ANKRD42: variants seen among roughly 807,000 people sequenced by gnomAD.
ANKRD42 encodes the protein ankyrin repeat domain-containing protein 42.
ANKRD42 carries 43 observed loss-of-function variants against 51.5 expected under a neutral mutation model. That is an observed-to-expected ratio of 0.83 (90% CI 0.65 to 1.08). The LOEUF (loss-of-function observed/expected upper bound fraction) is 1.08, where lower values mean the gene tolerates loss of function less well. Among genes scored for constraint, ANKRD42 ranks in the 50% least tolerant of loss-of-function variants. The probability of loss-of-function intolerance (pLI) is 0.00; values close to 1 mark genes in which losing one functional copy is unlikely to be tolerated. For synonymous variants in ANKRD42, 203 were observed against 213.0 expected, an observed-to-expected ratio of 0.95 and a Z score of 0.41; for missense variants, 608 against 629.3, an observed-to-expected ratio of 0.97 and a Z score of 0.36.
chr11:83,213,165 G>T, intron 5 of ANKRD42: 2 of 1,601,766 alleles, frequency 1.2e-6, no homozygotes, highest in Non-Finnish European at 1.7e-6. Flanking sequence ...GACCAATCTT[G>T]ATGCCCAACA....
chr11:83,230,504 A>C (rs933802391), intron 7 of ANKRD42, among the ~76,000 whole-genome samples: 17 of 152,154 alleles, frequency 1.1e-4, no homozygotes, highest in African/African-American at 4.1e-4. Flanking sequence ...GAGAACATGC[A>C]AAGTTTGTCT....
intron 2 of ANKRD42, among the ~76,000 whole-genome samples, chr11:83,201,442 C>T (rs1158055036): frequency 2.6e-5 from 4 of 152,142 alleles, no homozygotes; most frequent in East Asian, 1.9e-4. Flanking sequence ...TTGTGAATAG[C>T]GCTGCAGTAA....
chr11:83,213,360 C>G, intron 5 of ANKRD42: 2 of 1,578,902 alleles, frequency 1.3e-6, no homozygotes, highest in Non-Finnish European at 1.7e-6. Context: ...CCATCGGAGT[C>G]ACACCAACCC....
downstream of ANKRD42, among the ~76,000 whole-genome samples, chr11:83,264,000 C>CA (rs1435126302): frequency 3.9e-5 from 6 of 151,966 alleles, no homozygotes; most frequent in African/African-American, 7.3e-5. Flanking sequence ...TTGTTAATAT[C>CA]AAAAATCTTA....
At chr11:83,236,546 C>T (rs527663975) in intron 8 of ANKRD42, 37 bp downstream of exon 8, 1 of 1,519,520 alleles carries the variant, frequency 6.6e-7, no homozygotes, top group African/African-American at 1.4e-5. Context: ...TTTCTTTTCT[C>T]TTTAAAGTTT....
intron 2 of ANKRD42, among the ~76,000 whole-genome samples, chr11:83,201,770 A>T (rs1861880444): frequency 6.6e-6 from 1 of 151,876 alleles, no homozygotes; most frequent in African/African-American, 2.4e-5. Flanking sequence ...GCTTTTTTTC[A>T]TATGTTTGTT....
intron 7 of ANKRD42, 84 bp downstream of exon 7, chr11:83,227,956 A>T: frequency 1.4e-6 from 2 of 1,456,066 alleles, no homozygotes; most frequent in Non-Finnish European, 1.8e-6. Context: ...TCAGAAACAC[A>T]TGAAACATGA....
chr11:83,237,282 T>C (rs1863251554), intron 8 of ANKRD42, among the ~76,000 whole-genome samples: 1 of 152,230 alleles, frequency 6.6e-6, no homozygotes, highest in Non-Finnish European at 1.5e-5. Flanking sequence ...AAAAAATCTT[T>C]CTGTTTGAAA....
In ANKRD42 at chr11:83,196,384, TGTGA is replaced by T. The variant is rs1051098940; in HGVS notation, c.58+1660_58+1663del. Among the ~76,000 whole-genome samples, 129 of 134,566 alleles carry T rather than the reference TGTGA, an allele frequency of 9.6e-4. 3 individuals are homozygous for T. Among genetic ancestry groups the T allele is most frequent in the Non-Finnish European group, 2.5e-4 (16 of 65,026 alleles). 88.3% of individuals were successfully genotyped at this position (134,566 alleles called of 152,430 possible). A position where few individuals can be genotyped will look rare whatever the true frequency, so the allele number is the denominator to read the frequency against. ...TAATACTTTAGTAGTAGGATTTGTGTGTGAGTGTGTGAGAGTGTGTGTGTGTGTG... is the reference window on the plus strand; with the variant it reads ...TAATACTTTAGTAGTAGGATTTGTGTGTGTGTGAGAGTGTGTGTGTGTGTG... On this transcript the variant is annotated intron_variant, in intron 1 of 10. Transcript: ENST00000533342.
chr11:83,212,264 T>A (rs561926921), intron 5 of ANKRD42, among the ~76,000 whole-genome samples: 1 of 152,116 alleles, frequency 6.6e-6, no homozygotes, highest in East Asian at 1.9e-4. Flanking sequence ...GTATTTTTAG[T>A]AGAGATGGAG....
chr11:83,206,242 T>C (rs1590967261), intron 3 of ANKRD42, 77 bp downstream of exon 3: 6 of 1,183,048 alleles, frequency 5.1e-6, no homozygotes, highest in East Asian at 4.8e-5. Flanking sequence ...ATTCTAATTA[T>C]TTGACTCAAT....
intron 5 of ANKRD42, 82 bp downstream of exon 5, chr11:83,211,512 G>C (rs866828553): frequency 6.8e-7 from 1 of 1,477,168 alleles, no homozygotes; most frequent in Non-Finnish European, 9.3e-7. Flanking sequence ...AATTTAAACT[G>C]TTGGTTGAGC....
At chr11:83,233,291 T>C (rs1352199892) in intron 7 of ANKRD42, among the ~76,000 whole-genome samples, 1 of 151,676 alleles carries the variant, frequency 6.6e-6, no homozygotes, top group East Asian at 1.9e-4. Flanking sequence ...GTTCAAGCTT[T>C]GGGTTTCTTC....
chr11:83,254,493 G>T (rs970171333), intron 11 of ANKRD42, among the ~76,000 whole-genome samples: 1 of 147,274 alleles, frequency 6.8e-6, no homozygotes, highest in African/African-American at 2.5e-5. Flanking sequence ...GTGCAGTGGC[G>T]CAGTCTTGGC....
chr11:83,255,991 TATAA>T (rs762987019), exon 12 of ANKRD42: 31 of 1,277,450 alleles, frequency 2.4e-5, no homozygotes, highest in Non-Finnish European at 3.2e-5. Context: ...AAAAAATTGA[TATAA>T]ATGTGAGTCT....
chr11:83,223,940 C>A (rs944549096), intron 5 of ANKRD42, among the ~76,000 whole-genome samples: 1 of 148,922 alleles, frequency 6.7e-6, no homozygotes, highest in African/African-American at 2.5e-5. Context: ...ACTCCAGATT[C>A]ATTCCTTTTT....
At chr11:83,255,554 A>G (rs1393824245) in intron 11 of ANKRD42, among the ~76,000 whole-genome samples, 1 of 152,206 alleles carries the variant, frequency 6.6e-6, no homozygotes, top group African/African-American at 2.4e-5. Context: ...ACTTAATGAG[A>G]TAAGACGGAA....
At position 83,196,398 on chromosome 11, in the gene ANKRD42, A is replaced by AGTGTGT. The variant is rs145815586; in HGVS notation, c.58+1698_58+1703dup. The stretch of plus-strand genomic sequence containing the variant: ...TAGGATTTGTGTGTGAGTGTGTGAG[A>AGTGTGT]GTGTGTGTGTGTGTGTGTGTGTGTG... On this transcript the variant is annotated intron_variant, in intron 1 of 10. Transcript: ENST00000533342. Among the ~76,000 whole-genome samples the AGTGTGT allele has an allele frequency of 7.1e-4, 88 of 124,802 alleles. 1 individual carries two copies. The highest frequency in any genetic ancestry group is 6.1e-3 in the East Asian group (30 of 4,886). 81.9% of individuals were successfully genotyped at this position (124,802 alleles called of 152,430 possible). A position where few individuals can be genotyped will look rare whatever the true frequency, so the allele number is the denominator to read the frequency against.
chr11:83,226,748 A>G (rs1282736918), intron 6 of ANKRD42, among the ~76,000 whole-genome samples: 2 of 152,120 alleles, frequency 1.3e-5, no homozygotes, highest in Non-Finnish European at 2.9e-5. Context: ...CAGGAGTTCA[A>G]AGTTACAGTG....
Sources: gnomAD v4.1 joint callset for allele counts (sites outside exome capture counted in the v4.1 genomes callset) on GRCh38, gnomAD v4.1.1 for gene constraint, MANE v1.5 for transcripts, NCBI Gene and HGNC (gene_info 2026-07-23, HGNC 2026-07-21) for gene names.